GRAMD4: variants seen among roughly 807,000 people sequenced by gnomAD.
GRAMD4 encodes the protein GRAM domain-containing protein 4.
In GRAMD4, 25 loss-of-function variants were observed where a neutral mutation model predicts 83.9. The observed-to-expected ratio is 0.30, with a 90% confidence interval of 0.22 to 0.42. GRAMD4 has a LOEUF of 0.42. Ranked by LOEUF, GRAMD4 falls within the 10% of genes least tolerant of loss-of-function variation. The pLI, the probability that GRAMD4 is intolerant of heterozygous loss-of-function variation, is 1.00. For missense variants in GRAMD4, 593 were observed against 788.7 expected (o/e 0.75, Z 2.97); for synonymous variants, 336 against 320.9 (o/e 1.05, Z -0.50).
At chr22:46,660,033 G>A (rs2082304882) in intron 4 of GRAMD4, among the ~76,000 whole-genome samples, 1 of 152,172 alleles carries the variant, frequency 6.6e-6, no homozygotes, top group South Asian at 2.1e-4. Flanking sequence ...GGTGGCCTGA[G>A]GCTGTCCCCG....
At chr22:46,597,690 C>T (rs550233813) in intron 1 of GRAMD4, among the ~76,000 whole-genome samples, 3 of 152,144 alleles carry the variant, frequency 2.0e-5, no homozygotes, top group South Asian at 2.1e-4. Context: ...GGGGTTTCAC[C>T]GTGTTAGCCA....
At chr22:46,658,808 C>G (rs1472514416) in intron 4 of GRAMD4, among the ~76,000 whole-genome samples, 1 of 151,216 alleles carries the variant, frequency 6.6e-6, no homozygotes. Context: ...TGGCCCCCGC[C>G]CCCCTGCCCC....
intron 1 of GRAMD4, among the ~76,000 whole-genome samples, chr22:46,590,092 G>A (rs150094284): frequency 1.6e-4 from 25 of 152,320 alleles, no homozygotes; most frequent in African/African-American, 4.6e-4. Flanking sequence ...CTGTTGGCCC[G>A]GGTGGGCAGA....
At chr22:46,680,889 C>CCCATCCAT (rs1205121084), downstream of GRAMD4, among the ~76,000 whole-genome samples, 2 of 106,704 alleles carry the variant, frequency 1.9e-5, no homozygotes, top group African/African-American at 3.9e-5. Context: ...CATCTACCTA[C>CCCATCCAT]CCATCCATCC....
At chr22:46,628,355 G>A (rs1010840867) in intron 2 of GRAMD4, among the ~76,000 whole-genome samples, 14 of 152,166 alleles carry the variant, frequency 9.2e-5, no homozygotes, top group African/African-American at 2.4e-4. Context: ...CTCTGTGGCC[G>A]GGCCAAGCAT....
intron 1 of GRAMD4, among the ~76,000 whole-genome samples, chr22:46,605,789 C>A (rs34995951): frequency 4.9e-4 from 9 of 18,244 alleles, no homozygotes; most frequent in East Asian, 2.9e-3. Flanking sequence ...TCTGCATGGG[C>A]CTATGGCCGG....
In GRAMD4 at chr22:46,644,624, C is replaced by T. The variant is rs545624104; in HGVS notation, c.283+6664C>T. Among the ~76,000 whole-genome samples, 3 of 151,888 alleles carry T rather than the reference C, an allele frequency of 2.0e-5. No individual in the cohort carries two copies. In the East Asian group the frequency reaches 5.8e-4, roughly 29 times the overall value. On this transcript the variant is annotated intron_variant, in intron 3 of 18. Transcript: ENST00000406902. ...TGTCCCTGTTCCAGGTTACACCTGT[C>T]CCTGTTCTGGGTTACATTTGTGTCC...
At chr22:46,682,432 G>A, downstream of GRAMD4, 1 of 985,350 alleles carries the variant, frequency 1.0e-6, no homozygotes, top group Non-Finnish European at 1.2e-6. Context: ...TCATAGGAGT[G>A]TGGAAGCTGC....
chr22:46,590,621 G>C (rs2081197559), intron 1 of GRAMD4, among the ~76,000 whole-genome samples: 1 of 152,244 alleles, frequency 6.6e-6, no homozygotes, highest in Admixed American at 6.5e-5. Context: ...GCTGGGCCCA[G>C]GTGAGTGTCA....
chr22:46,638,212 G>C (rs1016379572), intron 3 of GRAMD4, among the ~76,000 whole-genome samples: 1 of 152,276 alleles, frequency 6.6e-6, no homozygotes, highest in African/African-American at 2.4e-5. Context: ...CTCCACAGGG[G>C]CTGGGGGCGT....
upstream of GRAMD4, among the ~76,000 whole-genome samples, chr22:46,616,134 C>CTGTGTGTAGGTTCCCCTG (rs2081487572): frequency 7.1e-6 from 1 of 141,296 alleles, no homozygotes; most frequent in African/African-American, 2.7e-5. Context: ...GCAGGTTCCC[C>CTGTGTGTAGGTTCCCCTG]TGTGTGTAGG....
intron 3 of GRAMD4, among the ~76,000 whole-genome samples, chr22:46,652,876 C>G (rs1297347374): frequency 6.6e-6 from 1 of 152,194 alleles, no homozygotes; most frequent in African/African-American, 2.4e-5. Context: ...TTTGCATCTC[C>G]TTTGTCCTGT....
At chr22:46,580,508 G>C (rs554271322) in intron 1 of GRAMD4, among the ~76,000 whole-genome samples, 1 of 152,228 alleles carries the variant, frequency 6.6e-6, no homozygotes, top group East Asian at 1.9e-4. Context: ...CAAGGGGACA[G>C]TTATGTGAAC....
At position 46,626,941 on chromosome 22, in the gene GRAMD4, A is replaced by G. The variant is rs2081670913; in HGVS notation, c.142A>G (p.Ser48Gly). The G allele has an allele frequency of 6.2e-7, 1 of 1,613,680 alleles. No individual in the cohort carries two copies. Among genetic ancestry groups the G allele is most frequent in the Non-Finnish European group, 8.5e-7 (1 of 1,179,588 alleles). The change falls in exon 2 of 19, where the codon AGC becomes GGC. Residue 48 changes from serine to glycine, a missense_variant. By Grantham distance (56) the Ser-to-Gly change is moderately conservative. Coordinates refer to ENST00000406902, the MANE Select transcript of GRAMD4 (RefSeq NM_015124.5). ...LKVPRTSPRD[S>G]EELRDPAGPG... ...GGTACCGCGGACCTCGCCCCGGGACAGCGAGGAGCTGAGGGACCCTGTGAG... is the reference window on the plus strand; with the variant it reads ...GGTACCGCGGACCTCGCCCCGGGACGGCGAGGAGCTGAGGGACCCTGTGAG...
chr22:46,641,833 C>G (rs1230446912), intron 3 of GRAMD4, among the ~76,000 whole-genome samples: 1 of 152,230 alleles, frequency 6.6e-6, no homozygotes, highest in Non-Finnish European at 1.5e-5. Context: ...CATTTGTTAG[C>G]CGACACATTT....
chr22:46,676,632 C>T lies in GRAMD4; in HGVS notation c.1596C>T (p.Gly532=). ...TCCTGTCTGTCCTCCCAGGCTCAGG[C>T]ATGGGGATTGCCGTGTCGACGCCAT... ...YKVLSVLPGS[G]MGIAVSTPST... is the part of the protein sequence containing the mutation. Residue 532 remains glycine (G), a synonymous_variant, in exon 18 of 19, where the codon GGC becomes GGT. Coordinates refer to ENST00000406902, the MANE Select transcript of GRAMD4 (RefSeq NM_015124.5). 6.5e-7 allele frequency: 1 copy of T among 1,549,198 alleles called. No homozygotes were observed. Among genetic ancestry groups the T allele is most frequent in the Non-Finnish European group, 8.7e-7 (1 of 1,146,970 alleles).
chr22:46,618,851 G>T (rs982677771), upstream of GRAMD4, among the ~76,000 whole-genome samples: 12 of 152,256 alleles, frequency 7.9e-5, no homozygotes, highest in Non-Finnish European at 1.8e-4. This position sits in a 1 kb window ranked among gnomAD's most constrained non-coding sequence, Gnocchi z 5.8. Context: ...GGCTCTTGAG[G>T]GTTTCACCCA....
intron 1 of GRAMD4, among the ~76,000 whole-genome samples, chr22:46,597,438 T>C (rs565629116): frequency 2.6e-5 from 4 of 152,206 alleles, no homozygotes; most frequent in Non-Finnish European, 5.9e-5. Flanking sequence ...CTCTCTCTCT[T>C]GCTCAAGTTT....
At position 46,599,248 on chromosome 22, in the gene GRAMD4, C is replaced by T. The variant is rs141406566; in HGVS notation, c.-50+21958C>T. ...GTGAGAGTGCTTGCGTTGTCAGTTA[C>T]GCAATTTGCAGATGGCTCGTGATTT... On this transcript the variant is annotated intron_variant, in intron 1 of 1. Transcript: ENST00000431155. Among the ~76,000 whole-genome samples, 50 of 152,190 alleles carry T rather than the reference C, an allele frequency of 3.3e-4. 2 individuals carry two copies. The South Asian group carries it at 6.4e-3, about 20-fold the overall frequency.
Sources: allele counts gnomAD v4.1 joint callset (sites outside exome capture counted in the v4.1 genomes callset), GRCh38; gene constraint gnomAD v4.1.1; non-coding constraint Gnocchi (gnomAD v3.1); transcripts MANE v1.5; gene names NCBI Gene and HGNC (gene_info 2026-07-23, HGNC 2026-07-21).